KCNAB1: variants seen among roughly 807,000 people sequenced by gnomAD.
KCNAB1 encodes the protein voltage-gated potassium channel subunit beta-1.
A neutral mutation model predicts 64.6 loss-of-function variants in KCNAB1; 35 were observed. The ratio of observed to expected loss-of-function variants is 0.54; its 90% CI spans 0.41 to 0.72. The LOEUF (loss-of-function observed/expected upper bound fraction) is 0.72, where lower values mean the gene tolerates loss of function less well. KCNAB1 is among the 30% of genes least tolerant of loss of function. KCNAB1 has a pLI of 0.00. For missense variants in KCNAB1, 401 were observed against 512.9 expected (o/e 0.78, Z 2.11); for synonymous variants, 177 against 183.8 (o/e 0.96, Z 0.30).
intron 1 of KCNAB1, among the ~76,000 whole-genome samples, chr3:156,320,773 C>G (rs537950965): frequency 6.6e-6 from 1 of 152,186 alleles, no homozygotes; most frequent in South Asian, 2.1e-4. Flanking sequence ...AAGTTCTCCT[C>G]TCCTCACCAT....
intron 1 of KCNAB1, among the ~76,000 whole-genome samples, chr3:156,182,724 G>T: frequency 7.2e-6 from 1 of 138,866 alleles, no homozygotes; most frequent in Non-Finnish European, 1.6e-5. Flanking sequence ...ATTTTGCGGA[G>T]TCTCTCTCTG....
At chr3:156,307,928 A>G (rs1461405428) in intron 1 of KCNAB1, among the ~76,000 whole-genome samples, 1 of 152,242 alleles carries the variant, frequency 6.6e-6, no homozygotes, top group Non-Finnish European at 1.5e-5. Context: ...GCACTGTGCC[A>G]GGCACTGTTC....
intron 4 of KCNAB1, 96 bp downstream of exon 4, chr3:156,457,628 C>A: frequency 9.4e-7 from 1 of 1,069,140 alleles, no homozygotes; most frequent in Non-Finnish European, 1.4e-6. Flanking sequence ...AAGGTTCTGT[C>A]CTTTCTCCAC....
chr3:156,401,999 G>A (rs991383568), intron 1 of KCNAB1, among the ~76,000 whole-genome samples: 3 of 152,118 alleles, frequency 2.0e-5, no homozygotes, highest in South Asian at 2.1e-4. Context: ...GGGTCCTGTC[G>A]GGGACTGGGG....
chr3:156,216,723 C>T (rs1715344690), intron 1 of KCNAB1, among the ~76,000 whole-genome samples: 1 of 152,168 alleles, frequency 6.6e-6, no homozygotes, highest in African/African-American at 2.4e-5. Context: ...TCATTTTCTC[C>T]TTTAAATTCC....
chr3:156,172,121 A>C (rs77750200), intron 1 of KCNAB1, among the ~76,000 whole-genome samples: 101 of 152,276 alleles, frequency 6.6e-4, no homozygotes, highest in African/African-American at 2.3e-3. Flanking sequence ...TAAACTTGTC[A>C]ATTTTCTTCG....
chr3:156,301,412 G>A (rs746139511), intron 1 of KCNAB1, among the ~76,000 whole-genome samples: 1 of 152,166 alleles, frequency 6.6e-6, no homozygotes, highest in Non-Finnish European at 1.5e-5. Context: ...AAGCACGTCT[G>A]CATGATAGTG....
chr3:156,445,612 G>A (rs937268290), intron 2 of KCNAB1, among the ~76,000 whole-genome samples: 1 of 152,180 alleles, frequency 6.6e-6, no homozygotes, highest in African/African-American at 2.4e-5. Context: ...TTCTTAGTAA[G>A]GGTGAGAATG....
At chr3:156,139,921 G>A (rs965296445) in intron 1 of KCNAB1, among the ~76,000 whole-genome samples, 1 of 152,070 alleles carries the variant, frequency 6.6e-6, no homozygotes, top group Non-Finnish European at 1.5e-5. Context: ...CTCTGGAACA[G>A]CATATTATGT....
Position 156,474,794 on chromosome 3 carries a change from G to T in KCNAB1, c.632G>T (p.Arg211Leu). The T allele has an allele frequency of 6.2e-7, 1 of 1,612,942 alleles. No homozygotes were observed. The highest frequency in any genetic ancestry group is 1.1e-5 in the South Asian group (1 of 90,988). Reference protein sequence around the residue: ...LEYVDVVFANRPDSNTPMEEI... With the variant: ...LEYVDVVFANLPDSNTPMEEI... ...TATGTGGATGTGGTCTTTGCAAATC[G>T]ACCGGACAGTAACACTCCCATGGAA... The change falls in exon 8 of 14, where the codon CGA (arginine) becomes CTA (leucine). Residue 211 changes from arginine to leucine, a missense_variant. Physicochemically the swap from Arg to Leu is moderately radical, Grantham distance 102 (BLOSUM62 -2). Transcript: ENST00000490337.
intron 1 of KCNAB1, among the ~76,000 whole-genome samples, chr3:156,391,092 A>G (rs1713007998): frequency 6.6e-6 from 1 of 152,164 alleles, no homozygotes; most frequent in Non-Finnish European, 1.5e-5. Flanking sequence ...TATTTAAGAT[A>G]TACAGATAAT....
At chr3:156,438,704 A>T (rs1365118701) in intron 2 of KCNAB1, among the ~76,000 whole-genome samples, 1 of 152,162 alleles carries the variant, frequency 6.6e-6, no homozygotes, top group Non-Finnish European at 1.5e-5. Flanking sequence ...ACACTGACAT[A>T]TACTATTGAA....
intron 1 of KCNAB1, among the ~76,000 whole-genome samples, chr3:156,307,174 A>G (rs1327259049): frequency 3.9e-5 from 6 of 152,174 alleles, no homozygotes; most frequent in Non-Finnish European, 7.3e-5. Flanking sequence ...AGGAAGGACA[A>G]TTCAGGCATC....
intron 13 of KCNAB1, among the ~76,000 whole-genome samples, chr3:156,536,313 T>C (rs1407706390): frequency 1.3e-5 from 2 of 152,272 alleles, no homozygotes; most frequent in African/African-American, 2.4e-5. Flanking sequence ...GTTTTGGATA[T>C]AATGAAGTAA....
intron 13 of KCNAB1, among the ~76,000 whole-genome samples, chr3:156,533,363 A>G (rs1043424642): frequency 6.6e-6 from 1 of 152,160 alleles, no homozygotes; most frequent in Non-Finnish European, 1.5e-5. Flanking sequence ...AGTGCATTCC[A>G]GGGACAGGGA....
At chr3:156,123,569 G>T (rs1713474827) in intron 1 of KCNAB1, among the ~76,000 whole-genome samples, 1 of 152,216 alleles carries the variant, frequency 6.6e-6, no homozygotes, top group Non-Finnish European at 1.5e-5. Flanking sequence ...TAGGTTTGTG[G>T]TAAGTAGTTC....
chr3:156,434,641 A>T (rs1264027365), intron 2 of KCNAB1, among the ~76,000 whole-genome samples: 6 of 152,236 alleles, frequency 3.9e-5, no homozygotes, highest in Admixed American at 6.5e-5. Context: ...AAGGTCAAAG[A>T]TAAATAGAAA....
chr3:156,280,871 C>T (rs1374092077), intron 1 of KCNAB1, among the ~76,000 whole-genome samples: 458 of 149,344 alleles, frequency 3.1e-3, no homozygotes, highest in Non-Finnish European at 5.4e-3. Context: ...TGGGCTGAGA[C>T]GATGGGGTTT....
chr3:156,523,696 T>C, intron 11 of KCNAB1, 131 bp from the exon 12 acceptor site: 1 of 775,662 alleles, frequency 1.3e-6, no homozygotes, highest in Non-Finnish European at 2.1e-6. Context: ...AAATCATCCC[T>C]GTCAGTGTGA....
Sources: allele counts gnomAD v4.1 joint callset (sites outside exome capture counted in the v4.1 genomes callset), GRCh38; gene constraint gnomAD v4.1.1; transcripts MANE v1.5; gene names NCBI Gene and HGNC (gene_info 2026-07-23, HGNC 2026-07-21).